The following CYP2A6 variants were observed in gnomAD, a reference collection of about 807,000 sequenced individuals.
CYP2A6 encodes cytochrome P450 2A6.
In CYP2A6, 27 loss-of-function variants were observed where a neutral mutation model predicts 42.3. The ratio of observed to expected loss-of-function variants is 0.64; its 90% confidence interval spans 0.47 to 0.88. The LOEUF (loss-of-function observed/expected upper bound fraction) is 0.88, where lower values mean the gene tolerates loss of function less well. Ranked by LOEUF, CYP2A6 falls within the 40% of genes least tolerant of loss-of-function variation. CYP2A6 has a pLI of 0.00. For synonymous variants in CYP2A6, 238 were observed against 246.3 expected, an observed-to-expected ratio of 0.97 and a Z score of 0.31; for missense variants, 628 against 646.0, an observed-to-expected ratio of 0.97 and a Z score of 0.30.
In CYP2A6 at chr19:40,848,755, A is replaced by G. The variant is rs28399440; in HGVS notation, c.352T>C (p.Phe118Leu). 7.5e-4 allele frequency: 1,211 copies of G among 1,611,310 alleles called. 18 individuals are homozygous for G. In the African/African-American group the frequency reaches 0.014, roughly 19 times the overall value. The change falls in exon 3 of 9, where the codon TTC (phenylalanine) becomes CTC (leucine). Residue 118 changes from phenylalanine (F) to leucine (L), a missense_variant. Transcript: ENST00000301141. ...TGCTTGGCGCGCTCCCCGTTGCTGA[A>G]TACCACGCCTGGGGAGGTGAACGCG... ...DWVFKGYGVV[F>L]SNGERAKQLR...
At chr19:40,847,109 A>T in intron 4 of CYP2A6, 58 bp from the exon 5 acceptor site, 1 of 1,579,338 alleles carries the variant, frequency 6.3e-7, no homozygotes, top group Non-Finnish European at 8.6e-7. Context: ...GCAGGAGCTG[A>T]TGGGAATGGG....
chr19:40,846,107 GA>G lies in CYP2A6; in HGVS notation c.832-11del, dbSNP rs904111179. On this transcript the variant is annotated splice_polypyrimidine_tract_variant and intron_variant, in intron 5 of 8. Transcript: ENST00000301141. ...TGGGGTTCTTCTCCTCCTGCAGGGA[GA>G]GGGGGCTTTAGGCCAACCTCACTCC... 6.2e-7 allele frequency: 1 copy of G among 1,611,124 alleles called. No homozygotes were observed. The highest frequency in any genetic ancestry group is 1.3e-5 in the African/African-American group (1 of 74,542).
rs776746529 is a variant in CYP2A6, at chr19:40,845,498, A to G, written c.974-17T>C. 20 of 1,610,058 alleles carry G rather than the reference A, an allele frequency of 1.2e-5. No homozygotes were observed. Among genetic ancestry groups the G allele is most frequent in the Admixed American group, 1.7e-5 (1 of 59,872 alleles). ...GGACCTTGGCTGGGGGAGGAGGGGG[A>G]ATGTGTTTAGGTATCTAGGGGTCTC... is the stretch of plus-strand genomic sequence containing the variant. On this transcript the variant is annotated splice_polypyrimidine_tract_variant and intron_variant, in intron 6 of 8. Transcript: ENST00000301141.
At chr19:40,846,353 T>G (rs1348870397) in intron 5 of CYP2A6, among the ~76,000 whole-genome samples, 4 of 105,058 alleles carry the variant, frequency 3.8e-5, no homozygotes, top group East Asian at 3.4e-4. Context: ...TTTTTTTTTG[T>G]TTTTTTTTTT....
chr19:40,849,044 A>G (rs1036227507), intron 2 of CYP2A6, among the ~76,000 whole-genome samples: 1,521 of 13,778 alleles, frequency 0.11, 420 homozygotes, highest in Middle Eastern at 0.21. Context: ...GAAGAGAGAG[A>G]GGAGAGAGAG....
In CYP2A6 at chr19:40,848,740, G is replaced by T; in HGVS notation, c.367C>A (p.Arg123Ser). 11 of 1,611,582 alleles carry T rather than the reference G, an allele frequency of 6.8e-6. No individual in the cohort carries two copies. Among genetic ancestry groups the T allele is most frequent in the Non-Finnish European group, 9.3e-6 (11 of 1,179,838 alleles). ...GAGAAGCGCCGGAGCTGCTTGGCGCGCTCCCCGTTGCTGAATACCACGCCT... is the reference window on the plus strand; with the variant it reads ...GAGAAGCGCCGGAGCTGCTTGGCGCTCTCCCCGTTGCTGAATACCACGCCT... ...GYGVVFSNGE[R>S]AKQLRRFSIA... The change falls in exon 3 of 9, where the codon CGC becomes AGC. Residue 123 changes from arginine to serine, a missense_variant. Physicochemically the swap from Arg to Ser is moderately radical, Grantham distance 110. Around this residue, in one of 2 missense-constraint regions of CYP2A6, gnomAD observed 606 missense variants for 568.1 expected, o/e 1.07. Coordinates refer to ENST00000301141, the MANE Select transcript of CYP2A6 (RefSeq NM_000762.6).
chr19:40,850,038 A>C (rs2145127020), intron 1 of CYP2A6, 58 bp from the exon 2 acceptor site: 1 of 1,597,390 alleles, frequency 6.3e-7, no homozygotes. Flanking sequence ...AATGGGGCCC[A>C]GCACCGAGAT....
Position 40,846,134 on chromosome 19 carries a change from T to C in CYP2A6, c.832-37A>G, listed in dbSNP as rs754636309. 11 of 1,608,082 alleles carry C rather than the reference T, an allele frequency of 6.8e-6. No homozygotes were observed. In the Admixed American group the frequency reaches 1.5e-4, roughly 22 times the overall value. On this transcript the variant is annotated intron_variant, in intron 5 of 8. Coordinates refer to ENST00000301141, the MANE Select transcript of CYP2A6 (RefSeq NM_000762.6). ...GGGGGCTTTAGGCCAACCTCACTCC[T>C]CTTGCCCTCAGGGCCCTTCTAGGGC...
At chr19:40,849,085 A>AGAGAGAGAGAGG (rs1967173918) in intron 2 of CYP2A6, among the ~76,000 whole-genome samples, 2 of 147,376 alleles carry the variant, frequency 1.4e-5, no homozygotes, top group African/African-American at 5.1e-5. Context: ...AGAGAGAGAG[A>AGAGAGAGAGAGG]GAGACCAGGT....
chr19:40,845,352 A>G lies in CYP2A6; in HGVS notation c.1103T>C (p.Met368Thr), dbSNP rs762887319. 1.2e-5 allele frequency: 19 copies of G among 1,611,468 alleles called. No individual in the cohort carries two copies. The highest frequency in any genetic ancestry group is 1.4e-5 in the Non-Finnish European group (17 of 1,179,802). Residue 368 changes from methionine (M) to threonine (T), a missense_variant, in exon 7 of 9, where the codon ATG becomes ACG. Transcript: ENST00000301141. Reference sequence around the variant, plus strand: ...CTTTTTGACTCTGCGGGCCAAACTCATGGGGATCACGTCTCCAAATCTTTG... The same window carrying G: ...CTTTTTGACTCTGCGGGCCAAACTCGTGGGGATCACGTCTCCAAATCTTTG... ...EIQRFGDVIP[M>T]SLARRVKKDT...
At chr19:40,850,037 C>T (rs1254672784) in intron 1 of CYP2A6, 57 bp from the exon 2 acceptor site, 1 of 1,597,486 alleles carries the variant, frequency 6.3e-7, no homozygotes, top group African/African-American at 1.3e-5. Context: ...GAATGGGGCC[C>T]AGCACCGAGA....
At chr19:40,848,149 C>T in intron 4 of CYP2A6, 70 bp downstream of exon 4, 1 of 1,590,294 alleles carries the variant, frequency 6.3e-7, no homozygotes, top group East Asian at 2.3e-5. Context: ...TTTGGGGCAC[C>T]TGTCTCCAGG....
In CYP2A6 at chr19:40,844,679, C is replaced by T. The variant is rs768416963; in HGVS notation, c.1255G>A (p.Glu419Lys). The T allele has an allele frequency of 9.9e-6, 16 of 1,611,588 alleles. No homozygotes were observed. Among genetic ancestry groups the T allele is most frequent in the Admixed American group, 3.3e-5 (2 of 59,938 alleles). ...TCACTCTTCTTAAACTGCCCCTTCT[C>T]ATTCAGGAAGTGCTGGGGATTGAAG... ...QDFNPQHFLN[E>K]KGQFKKSDAF... The change falls in exon 8 of 9, where the codon GAG becomes AAG. Residue 419 changes from glutamate (E) to lysine (K), a missense_variant. Physicochemically the swap from Glu to Lys is moderately conservative, Grantham distance 56. Coordinates refer to ENST00000301141, the MANE Select transcript of CYP2A6 (RefSeq NM_000762.6).
intron 3 of CYP2A6, 75 bp downstream of exon 3, chr19:40,848,539 A>G: frequency 1.3e-6 from 2 of 1,591,576 alleles, no homozygotes; most frequent in African/African-American, 1.3e-5. Context: ...CCCCATCCCC[A>G]GGCAGAACGC....
At position 40,843,841 on chromosome 19, in the gene CYP2A6, A is replaced by G. The variant is rs58537201; in HGVS notation, c.1440T>C (p.Phe480=). ...TGGTGTAGTTTCGTGGGATCGTGGC[A>G]AAGCCCACGTGTTTGGGGGACACGT... ...DIDVSPKHVG[F]ATIPRNYTMS... is the part of the protein sequence containing the mutation. Residue 480 remains phenylalanine, a synonymous_variant, in exon 9 of 9, where the codon TTT becomes TTC. Coordinates refer to ENST00000301141, the MANE Select transcript of CYP2A6 (RefSeq NM_000762.6). 1,229 of 1,611,356 alleles carry G rather than the reference A, an allele frequency of 7.6e-4. 12 individuals carry two copies. In the African/African-American group the frequency reaches 0.015, roughly 19 times the overall value.
rs28399457 is a variant in CYP2A6 at position 40,844,906 on chromosome 19, T to G, written c.1162-134A>C. On this transcript the variant is annotated intron_variant, in intron 7 of 8. Transcript: ENST00000301141. ...GCATGGAGGAGTTGGGGTCCTCTGA[T>G]GGAGGAGCTTTGGGGGATAGAAGGT... 6.9e-6 allele frequency: 8 copies of G among 1,164,590 alleles called. No homozygotes were observed. The Admixed American group carries it at 1.3e-4, about 20-fold the overall frequency. The allele number at this position is 1,164,590 out of a possible 1,614,324, so 72.1% of individuals were successfully genotyped here. A position where few individuals can be genotyped will look rare whatever the true frequency, so the allele number is the denominator to read the frequency against.
At position 40,845,472 on chromosome 19, in the gene CYP2A6, T is replaced by C. The variant is rs774027752; in HGVS notation, c.983A>G (p.His328Arg). ...MKHPEVEAKVHEEIDRVIGKN... is the reference protein window; with the variant it reads ...MKHPEVEAKVREEIDRVIGKN... ...GCCGATCACTCTGTCAATCTCCTCATGGACCTTGGCTGGGGGAGGAGGGGG... is the reference window on the plus strand; with the variant it reads ...GCCGATCACTCTGTCAATCTCCTCACGGACCTTGGCTGGGGGAGGAGGGGG... The change falls in exon 7 of 9, where the codon CAT becomes CGT. Residue 328 changes from histidine to arginine, a missense_variant. His to Arg is a conservative substitution (Grantham distance 29, BLOSUM62 0). This residue lies in a region of CYP2A6 where 606 missense variants were observed against 568.1 expected (regional missense o/e 1.07). Transcript: ENST00000301141. The C allele has an allele frequency of 3.1e-6, 5 of 1,611,392 alleles. No homozygotes were observed. In the African/African-American group the frequency reaches 5.4e-5, roughly 17 times the overall value.
intron 2 of CYP2A6, 89 bp from the exon 3 acceptor site, chr19:40,848,852 G>C (rs878943774): frequency 2.7e-6 from 4 of 1,485,260 alleles, no homozygotes; most frequent in African/African-American, 2.8e-5. Flanking sequence ...AAGGGTGGAG[G>C]AGAGAGGGAG....
chr19:40,848,663 G>A lies in CYP2A6; in HGVS notation c.444C>T (p.Arg148=), dbSNP rs754023743. The A allele has an allele frequency of 6.2e-7, 1 of 1,612,020 alleles. No homozygotes were observed. The highest frequency in any genetic ancestry group is 1.7e-5 in the Admixed American group (1 of 60,006). ...FGVGKRGIEE[R]IQEEAGFLID... is the part of the protein sequence containing the mutation. ...TGAGGAAGCCCGCCTCCTCCTGGATGCGCTCCTCGATGCCTCGCTTGCCCA... is the reference window on the plus strand; with the variant it reads ...TGAGGAAGCCCGCCTCCTCCTGGATACGCTCCTCGATGCCTCGCTTGCCCA... Residue 148 remains arginine (R), a synonymous_variant, in exon 3 of 9, where the codon CGC becomes CGT. Transcript: ENST00000301141.
Sources: allele counts gnomAD v4.1 joint callset (sites outside exome capture counted in the v4.1 genomes callset), GRCh38; gene constraint gnomAD v4.1.1; regional missense constraint gnomAD v4.1.1; transcripts MANE v1.5; gene names NCBI Gene and HGNC (gene_info 2026-07-23, HGNC 2026-07-21).